The following RB1CC1 variants were observed in gnomAD, a reference collection of about 807,000 sequenced individuals.
RB1CC1 encodes the protein RB1 inducible coiled-coil 1, also known as RB1-inducible coiled-coil protein 1.
In RB1CC1, 46 loss-of-function variants were observed where a neutral mutation model predicts 177.5. That is an observed-to-expected ratio of 0.26 (90% CI 0.20 to 0.33). The LOEUF is 0.33. Ranked by LOEUF, RB1CC1 falls within the 10% of genes least tolerant of loss-of-function variation. The pLI is 1.00. For missense variants in RB1CC1, 1,703 were observed against 1,816.3 expected, an observed-to-expected ratio of 0.94 and a Z score of 1.13; for synonymous variants, 666 against 613.6, an observed-to-expected ratio of 1.09 and a Z score of -1.26.
intron 5 of RB1CC1, among the ~76,000 whole-genome samples, chr8:52,677,627 A>ATT (rs1853251151): frequency 6.6e-6 from 1 of 152,190 alleles, no homozygotes; most frequent in Non-Finnish European, 1.5e-5. Context: ...TAAAATGATT[A>ATT]TTTTTAAGTT....
At chr8:52,661,814 C>A (rs927194464) in intron 8 of RB1CC1, 95 bp from the exon 9 acceptor site, 1 of 865,998 alleles carries the variant, frequency 1.2e-6, no homozygotes, top group Non-Finnish European at 1.6e-6. Flanking sequence ...TAAACACAAC[C>A]CGTTTTGTGC....
At chr8:52,688,112 T>G (rs964209085) in intron 1 of RB1CC1, among the ~76,000 whole-genome samples, 1 of 152,244 alleles carries the variant, frequency 6.6e-6, no homozygotes, top group East Asian at 1.9e-4. Flanking sequence ...GTGATAATTG[T>G]GTTAACTGTA....
rs1473587573 is a variant in RB1CC1, at chr8:52,656,966, G to A, written c.2863C>T (p.Arg955Ter). 1.9e-6 allele frequency: 3 copies of A among 1,613,266 alleles called. No homozygotes were observed. Among genetic ancestry groups the A allele is most frequent in the Non-Finnish European group, 8.5e-7 (1 of 1,179,904 alleles). The change falls in exon 15 of 24, where the codon CGA (arginine) becomes TGA (stop). Residue 955 changes from arginine (R) to a stop codon, truncating the protein, a stop_gained. Transcript: ENST00000025008. LOFTEE classifies it high-confidence loss of function. ...NCEIKELKQS[R>*]EIVLEDLKKL... Reference sequence around the variant, plus strand: ...TTTAAGTCTTCTAACACTATTTCTCGTGACTGCTTCAGTTCTTTAATTTCA... The same window carrying A: ...TTTAAGTCTTCTAACACTATTTCTCATGACTGCTTCAGTTCTTTAATTTCA...
chr8:52,685,861 T>C (rs1013545439), intron 2 of RB1CC1: 3 of 154,828 alleles, frequency 1.9e-5, no homozygotes, highest in African/African-American at 7.2e-5. Flanking sequence ...TGGTCAATCA[T>C]CTTATCCCTG....
intron 1 of RB1CC1, among the ~76,000 whole-genome samples, chr8:52,696,147 C>A (rs528957354): frequency 3.3e-5 from 5 of 152,148 alleles, no homozygotes; most frequent in African/African-American, 1.2e-4. Flanking sequence ...TGGGTTCAAG[C>A]GATTCTCCTG....
intron 16 of RB1CC1, among the ~76,000 whole-genome samples, chr8:52,643,696 C>CAA (rs34520917): frequency 4.9e-4 from 40 of 81,008 alleles, no homozygotes; most frequent in African/African-American, 1.1e-3. Flanking sequence ...CTCTAAGAGG[C>CAA]AAAAAAAAAA....
At chr8:52,692,178 C>A (rs1353814014) in intron 1 of RB1CC1, among the ~76,000 whole-genome samples, 2 of 152,058 alleles carry the variant, frequency 1.3e-5, no homozygotes, top group Non-Finnish European at 2.9e-5. Flanking sequence ...ACCTGAGAAT[C>A]TAGTTAGGTA....
chr8:52,687,453 A>G (rs1442869248), intron 1 of RB1CC1, among the ~76,000 whole-genome samples: 1 of 152,142 alleles, frequency 6.6e-6, no homozygotes, highest in African/African-American at 2.4e-5. Context: ...AGGGCCTGTG[A>G]TCTGTTTCTA....
chr8:52,657,496 T>A lies in RB1CC1; in HGVS notation c.2333A>T (p.Gln778Leu). ...VINAIDSRRM[Q>L]DTNVCGKEDF... Reference sequence around the variant, plus strand: ...CTCCTTACCACATACATTTGTATCCTGCATTCGTCTACTGTCTATCGCATT... The same window carrying A: ...CTCCTTACCACATACATTTGTATCCAGCATTCGTCTACTGTCTATCGCATT... Residue 778 changes from glutamine (Q) to leucine (L), a missense_variant, in exon 15 of 24, where the codon CAG becomes CTG. Physicochemically the swap from Gln to Leu is moderately radical, Grantham distance 113. Around this residue, in one of 6 missense-constraint regions of RB1CC1, gnomAD observed 1,169 missense variants for 1,184.7 expected, o/e 0.99. Transcript: ENST00000025008. 6.2e-7 allele frequency: 1 copy of A among 1,613,910 alleles called. No homozygotes were observed. Among genetic ancestry groups the A allele is most frequent in the Non-Finnish European group, 8.5e-7 (1 of 1,180,018 alleles).
At chr8:52,690,751 A>G (rs991538315) in intron 1 of RB1CC1, among the ~76,000 whole-genome samples, 2 of 152,230 alleles carry the variant, frequency 1.3e-5, no homozygotes, top group Non-Finnish European at 2.9e-5. Context: ...TTACAAGAAT[A>G]GTACAAAGAA....
intron 18 of RB1CC1, among the ~76,000 whole-genome samples, chr8:52,640,999 C>A: frequency 6.6e-6 from 1 of 152,086 alleles, no homozygotes; most frequent in East Asian, 1.9e-4. Context: ...CAACTAACTG[C>A]GTTCCTCTGA....
rs1469152529 is a variant in RB1CC1 at position 52,685,536 on chromosome 8, G to A, written c.-51-16C>T. 4 of 981,496 alleles carry A rather than the reference G, an allele frequency of 4.1e-6. No individual in the cohort carries two copies. The South Asian group carries it at 5.7e-5, about 14-fold the overall frequency. The allele number at this position is 981,496 out of a possible 1,614,324, so 60.8% of individuals were successfully genotyped here. On this transcript the variant is annotated splice_polypyrimidine_tract_variant and intron_variant, in intron 2 of 23. Transcript: ENST00000025008. ...GATACAGTTACTAGAAGAAACAAGA[G>A]AAGTGATCAATTTTACAAATGCAAC... is the stretch of plus-strand genomic sequence containing the variant.
rs764896044 is a variant in RB1CC1, at chr8:52,657,238, T to G, written c.2591A>C (p.Gln864Pro). Residue 864 changes from glutamine to proline, a missense_variant, in exon 15 of 24, where the codon CAA becomes CCA. Physicochemically the swap from Gln to Pro is moderately conservative, Grantham distance 76 (BLOSUM62 -1). This residue lies in a region of RB1CC1 where 1,169 missense variants were observed against 1,184.7 expected (regional missense o/e 0.99). Coordinates refer to ENST00000025008, the MANE Select transcript of RB1CC1 (RefSeq NM_014781.5). The part of the protein sequence containing the change: ...SLEITLKEKH[Q>P]KELLSLKNEY... The stretch of plus-strand genomic sequence containing the variant: ...ATTTTTTAAAGACAGTAGTTCTTTT[T>G]GATGTTTTTCTTTTAGTGTTATTTC... 4.4e-6 allele frequency: 7 copies of G among 1,594,716 alleles called. No individual in the cohort carries two copies. Among genetic ancestry groups the G allele is most frequent in the Non-Finnish European group, 4.3e-6 (5 of 1,165,052 alleles).
At chr8:52,650,213 G>C (rs1281650192) in intron 15 of RB1CC1, among the ~76,000 whole-genome samples, 1 of 152,200 alleles carries the variant, frequency 6.6e-6, no homozygotes, top group Non-Finnish European at 1.5e-5. Context: ...GGTTTCCTCT[G>C]CATGACAGAG....
chr8:52,676,698 G>A (rs1485143584), intron 5 of RB1CC1, 127 bp from the exon 6 acceptor site: 2 of 856,656 alleles, frequency 2.3e-6, no homozygotes, highest in Non-Finnish European at 3.6e-6. Context: ...TATTTCAAAG[G>A]ACTGTTTTAG....
chr8:52,641,362 G>A (rs1849558604), intron 18 of RB1CC1, among the ~76,000 whole-genome samples: 1 of 139,054 alleles, frequency 7.2e-6, no homozygotes, highest in Non-Finnish European at 1.5e-5. Flanking sequence ...CCACCCTGGG[G>A]GATAAGAGTG....
At chr8:52,669,400 C>G (rs767937870) in intron 7 of RB1CC1, among the ~76,000 whole-genome samples, 18 of 152,120 alleles carry the variant, frequency 1.2e-4, no homozygotes, top group Non-Finnish European at 2.1e-4. Flanking sequence ...TCTAAAGATC[C>G]TAGTCAAATA....
At position 52,642,927 on chromosome 8, in the gene RB1CC1, G is replaced by A. The variant is rs180720812; in HGVS notation, c.3988-115C>T. On this transcript the variant is annotated intron_variant, in intron 16 of 23. Coordinates refer to ENST00000025008, the MANE Select transcript of RB1CC1 (RefSeq NM_014781.5). ...GCACATTTGTACATGGAGATGATGG[G>A]GTATGATTCATGAAATGTTTTAAAA... The A allele has an allele frequency of 5.9e-3, 6,590 of 1,113,012 alleles. 36 individuals carry two copies. Among genetic ancestry groups the A allele is most frequent in the South Asian group, 0.02 (739 of 37,428 alleles). 68.9% of individuals were successfully genotyped at this position (1,113,012 alleles called of 1,614,324 possible). A position where few individuals can be genotyped will look rare whatever the true frequency, so the allele number is the denominator to read the frequency against.
At chr8:52,684,680 T>C (rs1854090946) in intron 3 of RB1CC1, among the ~76,000 whole-genome samples, 1 of 152,178 alleles carries the variant, frequency 6.6e-6, no homozygotes, top group Admixed American at 6.5e-5. Flanking sequence ...CTATTGACAT[T>C]TATTCATAAA....
Sources: allele counts gnomAD v4.1 joint callset (sites outside exome capture counted in the v4.1 genomes callset), GRCh38; gene constraint gnomAD v4.1.1; regional missense constraint gnomAD v4.1.1; transcripts MANE v1.5; gene names NCBI Gene and HGNC (gene_info 2026-07-23, HGNC 2026-07-21).